The following RNF169 variants were observed in gnomAD, a reference collection of about 807,000 sequenced individuals.
RNF169 encodes ring finger protein 169, also known as E3 ubiquitin-protein ligase RNF169.
RNF169 carries 24 observed loss-of-function variants against 53.9 expected under a neutral mutation model. That is an observed-to-expected ratio of 0.45 (90% CI 0.32 to 0.63). The LOEUF is 0.63. Among genes scored for constraint, RNF169 ranks in the 20% least tolerant of loss-of-function variants. The pLI is 0.04. For synonymous variants in RNF169, 396 were observed against 363.5 expected (o/e 1.09, Z -1.02); for missense variants, 883 against 906.2 (o/e 0.97, Z 0.33).
chr11:74,782,409 T>C (rs2035428863), intron 1 of RNF169, among the ~76,000 whole-genome samples: 1 of 152,138 alleles, frequency 6.6e-6, no homozygotes, highest in South Asian at 2.1e-4. Flanking sequence ...TAGATTCTCA[T>C]AGGAGCATGA....
intron 1 of RNF169, among the ~76,000 whole-genome samples, chr11:74,778,148 A>G (rs1024213327): frequency 6.6e-6 from 1 of 152,192 alleles, no homozygotes; most frequent in East Asian, 1.9e-4. Context: ...TAGTTATTTA[A>G]AACTATTTTT....
At chr11:74,798,726 A>G (rs2035685927) in intron 2 of RNF169, among the ~76,000 whole-genome samples, 1 of 152,074 alleles carries the variant, frequency 6.6e-6, no homozygotes, top group African/African-American at 2.4e-5. Flanking sequence ...CACGGAACCT[A>G]CTGACATGTG....
At chr11:74,766,671 T>G (rs757203073) in intron 1 of RNF169, among the ~76,000 whole-genome samples, 4 of 152,176 alleles carry the variant, frequency 2.6e-5, no homozygotes, top group Non-Finnish European at 1.5e-5. Context: ...AAAATAAGAT[T>G]GCTAATGATT....
In RNF169 at chr11:74,780,109, G is replaced by T. The variant is rs79452682; in HGVS notation, c.503-9517G>T. ...TCGCTGTTGTGCACCTCCACCTCTT[G>T]CAGTACTTAGGTATTTAGTTTTATA... On this transcript the variant is annotated intron_variant, in intron 1 of 5. Transcript: ENST00000299563. 3.3e-3 allele frequency among the ~76,000 whole-genome samples: 496 copies of T among 152,228 alleles called. 3 individuals are homozygous for T. The highest frequency in any genetic ancestry group is 0.012 in the African/African-American group (480 of 41,522).
chr11:74,823,738 G>GAAAAAAAAAAAAAAAAAAAAAAA, intron 4 of RNF169, among the ~76,000 whole-genome samples: 1 of 105,772 alleles, frequency 9.5e-6, no homozygotes, highest in African/African-American at 3.5e-5. Context: ...CCCTGTCTCA[G>GAAAAAAAAAAAAAAAAAAAAAAA]AAAAAAAAAA....
At chr11:74,818,858 T>C (rs1186906307) in intron 4 of RNF169, among the ~76,000 whole-genome samples, 5 of 152,148 alleles carry the variant, frequency 3.3e-5, no homozygotes, top group African/African-American at 4.8e-5. Context: ...ATTTTGGGGC[T>C]TTTTTGTTTG....
intron 3 of RNF169, among the ~76,000 whole-genome samples, chr11:74,814,808 T>C (rs115216971): frequency 0.021 from 3,130 of 152,324 alleles, 116 homozygotes; most frequent in African/African-American, 0.069. Context: ...TAAACACCAT[T>C]GTGATGGAAT....
rs2135154412 is a variant in RNF169, at chr11:74,835,553, C to A, written c.950C>A (p.Thr317Asn). Residue 317 changes from threonine (T) to asparagine (N), a missense_variant, in exon 6 of 6, where the codon ACT (threonine) becomes AAT (asparagine). Physicochemically the swap from Thr to Asn is moderately conservative, Grantham distance 65. Transcript: ENST00000299563. Reference protein sequence around the residue: ...AVPGNKAKVTTMTPASNPIIG... With the variant: ...AVPGNKAKVTNMTPASNPIIG... ...CTTTTTAATCTCTTTCAGGTCACAA[C>A]TATGACTCCAGCCTCCAACCCCATC... The A allele has an allele frequency of 6.2e-7, 1 of 1,613,100 alleles. No individual in the cohort carries two copies. Among genetic ancestry groups the A allele is most frequent in the Non-Finnish European group, 8.5e-7 (1 of 1,179,184 alleles).
chr11:74,785,941 C>CTT (rs796451609), intron 1 of RNF169, among the ~76,000 whole-genome samples: 86 of 130,208 alleles, frequency 6.6e-4, no homozygotes, highest in African/African-American at 1.9e-3. Context: ...GTTTTCTTTT[C>CTT]TTTTTTTTTT....
chr11:74,781,397 C>T (rs912373965), intron 1 of RNF169, among the ~76,000 whole-genome samples: 2 of 152,176 alleles, frequency 1.3e-5, no homozygotes, highest in Admixed American at 1.3e-4. Flanking sequence ...ACAGATAAAC[C>T]CAGAGACCAG....
intron 1 of RNF169, among the ~76,000 whole-genome samples, chr11:74,750,775 T>G (rs2034877782): frequency 6.6e-6 from 1 of 151,088 alleles, no homozygotes; most frequent in South Asian, 2.1e-4. Context: ...CCGGCTTTTT[T>G]GTATTTTTAG....
intron 1 of RNF169, among the ~76,000 whole-genome samples, chr11:74,778,974 G>T (rs868132456): frequency 6.6e-6 from 1 of 152,170 alleles, no homozygotes; most frequent in Non-Finnish European, 1.5e-5. Context: ...CCCATCTTAT[G>T]AAAGCAATAC....
rs1344409351 is a variant in RNF169 at position 74,838,116 on chromosome 11, C to T, written c.*1386C>T. On this transcript the variant is annotated 3_prime_UTR_variant, in exon 6 of 6. Transcript: ENST00000299563. ...GCCATTGGTGAAAGCATTTCTGGAA[C>T]TGTCTTCAAAGACTAGAAACACTGA... 1 of 152,198 alleles carries T rather than the reference C, an allele frequency of 6.6e-6. No individual in the cohort carries two copies. Among genetic ancestry groups the T allele is most frequent in the Non-Finnish European group, 1.5e-5 (1 of 68,034 alleles). 9.4% of individuals were successfully genotyped at this position (152,198 alleles called of 1,614,324 possible).
chr11:74,818,266 T>C (rs2035964561), intron 4 of RNF169, among the ~76,000 whole-genome samples: 1 of 151,692 alleles, frequency 6.6e-6, no homozygotes, highest in African/African-American at 2.4e-5. Context: ...GATGAATAGA[T>C]AGGAGGAAGG....
At position 74,836,374 on chromosome 11, in the gene RNF169, C is replaced by G. The variant is rs746921744; in HGVS notation, c.1771C>G (p.Gln591Glu). The G allele has an allele frequency of 2.5e-6, 4 of 1,614,156 alleles. No individual in the cohort carries two copies. Residue 591 changes from glutamine (Q) to glutamate (E), a missense_variant, in exon 6 of 6, where the codon CAA becomes GAA. By Grantham distance (29) the Gln-to-Glu change is conservative. Transcript: ENST00000299563. ...TTTGGGTGGAGTCCTCAAAACAAAG[C>G]AACAATTGAAGACATTAAATCATTT... ...SVLGGVLKTK[Q>E]QLKTLNHFDL...
At chr11:74,764,044 C>T (rs547698513) in intron 1 of RNF169, among the ~76,000 whole-genome samples, 2 of 152,288 alleles carry the variant, frequency 1.3e-5, no homozygotes, top group East Asian at 3.9e-4. Flanking sequence ...AAAGCAGCAA[C>T]AAAACCACAA....
At chr11:74,765,190 C>T (rs762470038) in intron 1 of RNF169, among the ~76,000 whole-genome samples, 4 of 152,172 alleles carry the variant, frequency 2.6e-5, no homozygotes, top group Non-Finnish European at 5.9e-5. Context: ...ACCTAGGTGA[C>T]AGAGCGAGAT....
In RNF169 at chr11:74,837,645, G is replaced by C. The variant is rs2036277500; in HGVS notation, c.*915G>C. On this transcript the variant is annotated 3_prime_UTR_variant, in exon 6 of 6. Coordinates refer to ENST00000299563, the MANE Select transcript of RNF169 (RefSeq NM_001098638.2). ...CTTTTCTGGGGGTTTCAGCCTATGA[G>C]ACAAACTATAATCAGGCTTCATTAT... The C allele has an allele frequency of 6.6e-6, 1 of 152,234 alleles. No homozygotes were observed. The highest frequency in any genetic ancestry group is 1.5e-5 in the Non-Finnish European group (1 of 68,042). The allele number at this position is 152,234 out of a possible 1,614,324, so 9.4% of individuals were successfully genotyped here.
intron 3 of RNF169, among the ~76,000 whole-genome samples, chr11:74,812,292 T>G (rs893018213): frequency 5.3e-5 from 8 of 152,200 alleles, no homozygotes; most frequent in South Asian, 2.1e-4. Context: ...TATAGTTTTT[T>G]TTTGTTTGTT....
Sources: allele counts gnomAD v4.1 joint callset (sites outside exome capture counted in the v4.1 genomes callset), GRCh38; gene constraint gnomAD v4.1.1; transcripts MANE v1.5; gene names NCBI Gene and HGNC (gene_info 2026-07-23, HGNC 2026-07-21).